Variants in STOX2 observed in about 807,000 individuals in gnomAD.
STOX2 encodes storkhead-box protein 2.
A neutral mutation model predicts 60.9 loss-of-function variants in STOX2; 28 were observed. That is an observed-to-expected ratio of 0.46 (90% CI 0.34 to 0.63). The LOEUF is 0.63. Among genes scored for constraint, STOX2 ranks in the 30% least tolerant of loss-of-function variants. The pLI is 0.01. For synonymous variants in STOX2, 472 were observed against 463.9 expected (o/e 1.02, Z -0.22); for missense variants, 1,024 against 1,187.7 (o/e 0.86, Z 2.03).
Position 184,005,408 on chromosome 4 carries a change from A to G in STOX2, c.320-3750A>G, listed in dbSNP as rs920523800. On this transcript the variant is annotated intron_variant, in intron 2 of 3. Coordinates refer to ENST00000308497, the MANE Select transcript of STOX2 (RefSeq NM_020225.3). The stretch of plus-strand genomic sequence containing the variant: ...CGGAGGTGGAGGTTTCAGTGAGCCA[A>G]GATTGTGCCACTGCACTCCAGCTTG... 3.5e-5 allele frequency among the ~76,000 whole-genome samples: 5 copies of G among 144,670 alleles called. No homozygotes were observed. In the East Asian group the frequency reaches 1.0e-3, roughly 30 times the overall value. The allele number at this position is 144,670 out of a possible 152,430, so 94.9% of individuals were successfully genotyped here.
chr4:183,985,094 C>T, intron 1 of STOX2, among the ~76,000 whole-genome samples: 1 of 152,088 alleles, frequency 6.6e-6, no homozygotes, highest in East Asian at 1.9e-4. Flanking sequence ...TACTCAGGGG[C>T]AGTCGTTAGG....
At chr4:183,948,543 T>TTTC (rs1742972468) in intron 1 of STOX2, among the ~76,000 whole-genome samples, 1 of 126,290 alleles carries the variant, frequency 7.9e-6, no homozygotes, top group Admixed American at 8.2e-5. Context: ...CCTTATCCTT[T>TTTC]TTTTTTTTTT....
intron 1 of STOX2, among the ~76,000 whole-genome samples, chr4:183,919,684 CA>C (rs1742042833): frequency 6.6e-6 from 1 of 152,126 alleles, no homozygotes; most frequent in South Asian, 2.1e-4. Context: ...TAGCTCACTG[CA>C]ACCTCTACCT....
chr4:183,890,373 C>A (rs1198997422), intron 1 of STOX2, among the ~76,000 whole-genome samples: 1 of 151,886 alleles, frequency 6.6e-6, no homozygotes, highest in Non-Finnish European at 1.5e-5. Context: ...GTCCCAGCTA[C>A]CCTGGAGGCC....
At chr4:184,003,043 C>A (rs1332853255) in intron 2 of STOX2, among the ~76,000 whole-genome samples, 1 of 152,212 alleles carries the variant, frequency 6.6e-6, no homozygotes, top group Non-Finnish European at 1.5e-5. Flanking sequence ...AAGTCCTAGG[C>A]AAACGCCTTT....
chr4:183,854,874 A>G (rs1443733947), intron 1 of STOX2, among the ~76,000 whole-genome samples: 1 of 152,196 alleles, frequency 6.6e-6, no homozygotes, highest in East Asian at 1.9e-4. Flanking sequence ...TAACATGCAT[A>G]TGAATTTAGT....
In STOX2 at chr4:184,011,357, A is replaced by G. The variant is rs561066486; in HGVS notation, c.2519A>G (p.His840Arg). Residue 840 changes from histidine to arginine, a missense_variant, in exon 3 of 4, where the codon CAT (histidine) becomes CGT (arginine). Transcript: ENST00000308497. This position sits in a 1 kb window ranked among gnomAD's most constrained non-coding sequence, Gnocchi z 4.4. ...TDSSSNQRAT[H>R]SARLDSMDSS... ...AGCAGCAGCAACCAGAGAGCCACCC[A>G]TTCAGCCCGGCTCGACAGCATGGAC... 1.4e-5 allele frequency: 23 copies of G among 1,613,988 alleles called. No individual in the cohort carries two copies. In the South Asian group the frequency reaches 2.0e-4, roughly 14 times the overall value.
rs946456239 is a variant in STOX2 at position 183,906,534 on chromosome 4, G to T, written c.-257G>T. ...TGCCTTTCCCCCCAGGAATCTGGAA[G>T]CTATAAGCCGGGCGGATTGCAAATG... is the stretch of plus-strand genomic sequence containing the variant. On this transcript the variant is annotated 5_prime_UTR_variant, in exon 1 of 4. Coordinates refer to ENST00000308497, the MANE Select transcript of STOX2 (RefSeq NM_020225.3). The T allele has an allele frequency of 3.8e-5, 9 of 239,454 alleles. No individual in the cohort carries two copies. The highest frequency in any genetic ancestry group is 1.1e-4 in the Admixed American group (2 of 17,788). 14.8% of individuals were successfully genotyped at this position (239,454 alleles called of 1,614,324 possible). A position where few individuals can be genotyped will look rare whatever the true frequency, so the allele number is the denominator to read the frequency against.
At chr4:183,847,031 A>G (rs1256564387) in intron 1 of STOX2, among the ~76,000 whole-genome samples, 2 of 152,196 alleles carry the variant, frequency 1.3e-5, no homozygotes, top group African/African-American at 4.8e-5. Context: ...TAGCTTAGCA[A>G]TTTGACAAAG....
intron 1 of STOX2, among the ~76,000 whole-genome samples, chr4:183,896,518 T>C (rs1741343222): frequency 6.6e-6 from 1 of 152,154 alleles, no homozygotes; most frequent in African/African-American, 2.4e-5. Flanking sequence ...ATTTTTTAAT[T>C]TTTCATAGAG....
chr4:183,975,599 G>A (rs1048940012), intron 1 of STOX2, among the ~76,000 whole-genome samples: 1 of 151,076 alleles, frequency 6.6e-6, no homozygotes, highest in East Asian at 1.9e-4. Flanking sequence ...AGAAAGAAGA[G>A]GCTGCCAAAA....
intron 1 of STOX2, among the ~76,000 whole-genome samples, chr4:183,833,711 G>A (rs375081662): frequency 2.0e-5 from 3 of 147,688 alleles, no homozygotes; most frequent in Non-Finnish European, 3.0e-5. Flanking sequence ...GGCCGGGCGC[G>A]GTGGCTCACG....
chr4:183,831,059 G>T (rs989984008), intron 1 of STOX2, among the ~76,000 whole-genome samples: 1 of 151,948 alleles, frequency 6.6e-6, no homozygotes, highest in African/African-American at 2.4e-5. Flanking sequence ...ACATGGGACC[G>T]AACTCCGGGC....
chr4:183,825,632 C>T lies in STOX2; in HGVS notation c.364+27577C>T, dbSNP rs1174064554. Reference sequence around the variant, plus strand: ...TGCCCGTCCTCTGTGTCCCAGGACTCGCGGTGAAGCCCTGAGCATGGGCTT... The same window carrying T: ...TGCCCGTCCTCTGTGTCCCAGGACTTGCGGTGAAGCCCTGAGCATGGGCTT... On this transcript the variant is annotated intron_variant, in intron 1 of 2. Transcript: ENST00000513034. The surrounding 1 kb of genome is among the most constrained non-coding windows in gnomAD (Gnocchi z 4.1). 1.3e-5 allele frequency among the ~76,000 whole-genome samples: 2 copies of T among 152,178 alleles called. No individual in the cohort carries two copies. The highest frequency in any genetic ancestry group is 2.4e-5 in the African/African-American group (1 of 41,438).
chr4:183,926,325 GAAAT>G (rs2111108220), intron 1 of STOX2, among the ~76,000 whole-genome samples: 1 of 146,424 alleles, frequency 6.8e-6, no homozygotes, highest in African/African-American at 2.6e-5. Context: ...TATCCAAGAA[GAAAT>G]AAGTAAGAAA....
chr4:183,862,337 A>G (rs1057476972), intron 1 of STOX2, among the ~76,000 whole-genome samples: 2 of 152,038 alleles, frequency 1.3e-5, no homozygotes, highest in Non-Finnish European at 2.9e-5. Flanking sequence ...CATCACCCCT[A>G]GCTAATTTTT....
intron 1 of STOX2, among the ~76,000 whole-genome samples, chr4:183,870,193 A>G (rs1000286820): frequency 1.3e-5 from 2 of 152,240 alleles, no homozygotes; most frequent in African/African-American, 4.8e-5. Flanking sequence ...CAGTACTAAA[A>G]TACCAGAGCC....
At chr4:183,826,184 A>G (rs6855376) in intron 1 of STOX2, among the ~76,000 whole-genome samples, 9,543 of 152,082 alleles carry the variant, frequency 0.063, 943 homozygotes, top group African/African-American at 0.22. Context: ...TGATTCGAGG[A>G]CCAAGTTTGA....
intron 1 of STOX2, among the ~76,000 whole-genome samples, chr4:183,973,138 T>G (rs963315717): frequency 1.3e-5 from 2 of 152,142 alleles, no homozygotes; most frequent in Non-Finnish European, 2.9e-5. Flanking sequence ...ATTTGTGTAA[T>G]CAAAGTTCCT....
Sources: gnomAD v4.1 joint callset for allele counts (sites outside exome capture counted in the v4.1 genomes callset) on GRCh38, gnomAD v4.1.1 for gene constraint, Gnocchi (gnomAD v3.1) non-coding constraint, MANE v1.5 for transcripts, NCBI Gene and HGNC (gene_info 2026-07-23, HGNC 2026-07-21) for gene names.